Variants in CCDC7 observed in about 807,000 individuals in gnomAD.
The protein encoded by CCDC7 is coiled-coil domain-containing protein 7.
Under a neutral mutation model 196.9 loss-of-function variants are expected in CCDC7, and 183 were observed. That is an observed-to-expected ratio of 0.93 (90% CI 0.82 to 1.05). CCDC7 has a LOEUF of 1.05. Ranked by LOEUF, CCDC7 falls within the 50% of genes least tolerant of loss-of-function variation. The pLI, the probability that CCDC7 is intolerant of heterozygous loss-of-function variation, is 0.00. For missense variants in CCDC7, 1,540 were observed against 1,482.2 expected (o/e 1.04, Z -0.64); for synonymous variants, 525 against 484.6 (o/e 1.08, Z -1.10).
At chr10:32,702,405 G>A (rs917442888) in intron 24 of CCDC7, among the ~76,000 whole-genome samples, 11 of 151,958 alleles carry the variant, frequency 7.2e-5, no homozygotes, top group African/African-American at 2.7e-4. Context: ...TAATTTCTTT[G>A]CTTTTACATT....
intron 5 of CCDC7, 75 bp downstream of exon 6, chr10:32,463,124 G>C: frequency 6.4e-7 from 1 of 1,559,896 alleles, no homozygotes; most frequent in South Asian, 1.2e-5. Flanking sequence ...TTATGTATAA[G>C]TTAAGTATGT....
chr10:32,668,060 A>T (rs1057501001), intron 21 of CCDC7, among the ~76,000 whole-genome samples: 60 of 152,052 alleles, frequency 3.9e-4, no homozygotes, highest in African/African-American at 1.4e-3. Context: ...AGTGGTTTGT[A>T]GTTCTCCTTG....
At chr10:32,484,510 G>T (rs185395815) in intron 8 of CCDC7, among the ~76,000 whole-genome samples, 1 of 151,932 alleles carries the variant, frequency 6.6e-6, no homozygotes, top group African/African-American at 2.4e-5. Flanking sequence ...CCTTATTGCC[G>T]TGGCCAGAAC....
At chr10:32,808,267 A>G (rs1465150815) in intron 30 of CCDC7, among the ~76,000 whole-genome samples, 1 of 152,136 alleles carries the variant, frequency 6.6e-6, no homozygotes, top group Non-Finnish European at 1.5e-5. Context: ...CCCAGGGGCC[A>G]GGGGATTACC....
chr10:32,450,951 G>C (rs1189110450), upstream of CCDC7, among the ~76,000 whole-genome samples: 1 of 151,930 alleles, frequency 6.6e-6, no homozygotes, highest in East Asian at 1.9e-4. Context: ...TGTTCTTGTT[G>C]TTTTCTGTTG....
Position 32,473,350 on chromosome 10 carries a change from G to A in CCDC7, c.740-617G>A, listed in dbSNP as rs144913879. 7.3e-3 allele frequency among the ~76,000 whole-genome samples: 1,110 copies of A among 152,296 alleles called. 14 individuals are homozygous for A. The highest frequency in any genetic ancestry group is 0.025 in the African/African-American group (1,055 of 41,560). ...AGCATGAACAAACAACATGCATAGAGAATTACAACTGGATTGGTATTAGAG... is the reference window on the plus strand; with the variant it reads ...AGCATGAACAAACAACATGCATAGAAAATTACAACTGGATTGGTATTAGAG... On this transcript the variant is annotated intron_variant, in intron 7 of 41. Coordinates refer to ENST00000639629, the Ensembl canonical transcript of CCDC7.
At chr10:32,485,564 C>G (rs1355066060) in intron 8 of CCDC7, among the ~76,000 whole-genome samples, 1 of 152,128 alleles carries the variant, frequency 6.6e-6, no homozygotes, top group Non-Finnish European at 1.5e-5. Context: ...TCTTGCTTCT[C>G]TAGTTCTTTT....
chr10:32,668,822 A>G (rs141901931), intron 21 of CCDC7, among the ~76,000 whole-genome samples: 265 of 152,050 alleles, frequency 1.7e-3, no homozygotes, highest in Middle Eastern at 0.014. Flanking sequence ...AGTTTTCTAT[A>G]TATTGGTTTA....
intron 7 of CCDC7, 122 bp downstream of exon 8, chr10:32,472,664 C>A (rs12415588): frequency 0.1 from 85,003 of 854,144 alleles, 5,158 homozygotes; most frequent in South Asian, 0.23. Context: ...GCATGAATAT[C>A]GCTCACTGCA....
intron 15 of CCDC7, among the ~76,000 whole-genome samples, chr10:32,570,283 T>C (rs1451820496): frequency 6.6e-6 from 1 of 152,210 alleles, no homozygotes. Context: ...ATCCAATTAT[T>C]ATCCATCAAA....
intron 18 of CCDC7, among the ~76,000 whole-genome samples, chr10:32,590,017 C>A (rs1286965350): frequency 2.0e-5 from 3 of 152,096 alleles, no homozygotes; most frequent in Non-Finnish European, 4.4e-5. Flanking sequence ...TATTCAGCTA[C>A]TCTGTATCTT....
At chr10:32,480,721 A>C (rs1481159446) in intron 8 of CCDC7, among the ~76,000 whole-genome samples, 1 of 152,092 alleles carries the variant, frequency 6.6e-6, no homozygotes, top group Non-Finnish European at 1.5e-5. Context: ...GAAATACTTG[A>C]TATGATTTTA....
downstream of CCDC7, among the ~76,000 whole-genome samples, chr10:32,881,937 G>T (rs1316851036): frequency 6.6e-6 from 1 of 152,054 alleles, no homozygotes; most frequent in Non-Finnish European, 1.5e-5. Context: ...CATCTAACTT[G>T]CTTAAGGACA....
intron 18 of CCDC7, among the ~76,000 whole-genome samples, chr10:32,613,363 C>T (rs1310776674): frequency 2.0e-5 from 3 of 150,746 alleles, no homozygotes; most frequent in Non-Finnish European, 4.4e-5. Flanking sequence ...AAAAAACTAG[C>T]TCCTGGATTC....
intron 13 of CCDC7, among the ~76,000 whole-genome samples, chr10:32,555,446 A>G (rs993731925): frequency 1.3e-5 from 2 of 151,980 alleles, no homozygotes; most frequent in Non-Finnish European, 2.9e-5. Flanking sequence ...GGGTTTCACC[A>G]TGTTGGCCAG....
intron 25 of CCDC7, among the ~76,000 whole-genome samples, chr10:32,717,196 G>A (rs1403973323): frequency 2.0e-5 from 3 of 152,176 alleles, no homozygotes; most frequent in Non-Finnish European, 4.4e-5. Context: ...AGACCACAGT[G>A]CAATCAAAGT....
intron 18 of CCDC7, among the ~76,000 whole-genome samples, chr10:32,622,646 T>C (rs1210497855): frequency 6.6e-6 from 1 of 152,002 alleles, no homozygotes; most frequent in Non-Finnish European, 1.5e-5. Context: ...GGCTTACTTA[T>C]GTATTGCAGG....
intron 29 of CCDC7, among the ~76,000 whole-genome samples, chr10:32,802,716 G>T (rs1477624458): frequency 6.6e-6 from 1 of 152,198 alleles, no homozygotes; most frequent in Non-Finnish European, 1.5e-5. Context: ...TGACAGTGCA[G>T]CAGAAGGCCT....
intron 28 of CCDC7, among the ~76,000 whole-genome samples, chr10:32,750,977 A>T (rs2075568798): frequency 6.6e-6 from 1 of 152,206 alleles, no homozygotes; most frequent in Non-Finnish European, 1.5e-5. Context: ...AAAAGGGGGT[A>T]GTGGTATAAG....
Sources: gnomAD v4.1 joint callset for allele counts (sites outside exome capture counted in the v4.1 genomes callset) on GRCh38, gnomAD v4.1.1 for gene constraint, MANE v1.5 for transcripts, NCBI Gene and HGNC (gene_info 2026-07-23, HGNC 2026-07-21) for gene names.